The following GALNT18 variants were observed in gnomAD, a reference collection of about 807,000 sequenced individuals.
The protein encoded by GALNT18 is GalNAc-transferase 18.
GALNT18 carries 44 observed loss-of-function variants against 69.5 expected under a neutral mutation model. The ratio of observed to expected loss-of-function variants is 0.63; its 90% CI spans 0.50 to 0.81. The LOEUF (loss-of-function observed/expected upper bound fraction) is 0.81, where lower values mean the gene tolerates loss of function less well. Among genes scored for constraint, GALNT18 ranks in the 40% least tolerant of loss-of-function variants. GALNT18 has a pLI of 0.00. For synonymous variants in GALNT18, 364 were observed against 318.2 expected, an observed-to-expected ratio of 1.14 and a Z score of -1.53; for missense variants, 715 against 810.0, an observed-to-expected ratio of 0.88 and a Z score of 1.42.
At chr11:11,283,180 A>C (rs955281437) in intron 10 of GALNT18, among the ~76,000 whole-genome samples, 6 of 152,084 alleles carry the variant, frequency 3.9e-5, no homozygotes, top group Middle Eastern at 3.4e-3. Flanking sequence ...CTTGAGATGG[A>C]GTCTCACTCT....
Position 11,313,940 on chromosome 11 carries a change from C to T in GALNT18, c.1512+13146G>A, listed in dbSNP as rs969201264. Among the ~76,000 whole-genome samples, 18 of 152,180 alleles carry T rather than the reference C, an allele frequency of 1.2e-4. 1 individual carries two copies. Among genetic ancestry groups the T allele is most frequent in the African/African-American group, 4.3e-4 (18 of 41,444 alleles). On this transcript the variant is annotated intron_variant, in intron 9 of 10. Coordinates refer to ENST00000227756, the MANE Select transcript of GALNT18 (RefSeq NM_198516.3). ...AGATTACTCCAGTTTGAACGAGAGA[C>T]CAATATTACTGAGCCCAGTTCTGTG... is the stretch of plus-strand genomic sequence containing the variant.
At chr11:11,528,583 T>C (rs781535457) in intron 1 of GALNT18, among the ~76,000 whole-genome samples, 2 of 152,232 alleles carry the variant, frequency 1.3e-5, no homozygotes, top group Non-Finnish European at 1.5e-5. Context: ...AGACTGATAC[T>C]GTCAGATCTT....
At chr11:11,547,659 G>A (rs1027336387) in intron 1 of GALNT18, among the ~76,000 whole-genome samples, 1 of 152,204 alleles carries the variant, frequency 6.6e-6, no homozygotes, top group Non-Finnish European at 1.5e-5. Context: ...TCGAGACCCT[G>A]CTACCATGAA....
At chr11:11,571,421 A>T (rs1858790450) in intron 1 of GALNT18, among the ~76,000 whole-genome samples, 1 of 152,182 alleles carries the variant, frequency 6.6e-6, no homozygotes, top group East Asian at 1.9e-4. Context: ...AACTCTTCAA[A>T]ATTAGCTCTG....
Position 11,444,887 on chromosome 11 carries a change from A to G in GALNT18, c.428+3857T>C, listed in dbSNP as rs750748958. On this transcript the variant is annotated intron_variant, in intron 2 of 10. Coordinates refer to ENST00000227756, the MANE Select transcript of GALNT18 (RefSeq NM_198516.3). The surrounding 1 kb of genome is among the most constrained non-coding windows in gnomAD (Gnocchi z 4.4). ...GAGGCACAGGGGCTCCGGCTATGGC[A>G]AGAGCCACACAGCATGAATCTTCCA... Among the ~76,000 whole-genome samples the G allele has an allele frequency of 2.6e-5, 4 of 152,200 alleles. No individual in the cohort carries two copies. The highest frequency in any genetic ancestry group is 6.5e-5 in the Admixed American group (1 of 15,278).
Position 11,595,357 on chromosome 11 carries a change from G to A in GALNT18, c.235+26002C>T, listed in dbSNP as rs2133936324. Among the ~76,000 whole-genome samples, 1 of 152,228 alleles carries A rather than the reference G, an allele frequency of 6.6e-6. No homozygotes were observed. The highest frequency in any genetic ancestry group is 2.1e-4 in the South Asian group (1 of 4,814). ...GTGAGGACACAGCAAGAAGTCAGGA[G>A]GCTGCAACCCAGAAGAGAGACTTCA... On this transcript the variant is annotated intron_variant, in intron 1 of 10. Coordinates refer to ENST00000227756, the MANE Select transcript of GALNT18 (RefSeq NM_198516.3). The surrounding 1 kb of genome is among the most constrained non-coding windows in gnomAD (Gnocchi z 5.2).
intron 1 of GALNT18, among the ~76,000 whole-genome samples, chr11:11,536,633 T>C (rs1857779056): frequency 6.7e-6 from 1 of 150,366 alleles, no homozygotes; most frequent in African/African-American, 2.5e-5. Context: ...CTCCGTATCT[T>C]AGAAATGAAA....
Position 11,436,792 on chromosome 11 carries a change from C to G in GALNT18, c.429-4005G>C, listed in dbSNP as rs1855412779. ...ATCACTGCAGACACTGAACTCAGGA[C>G]AGAGGGCTTTGTGCTGTAGTCCAAG... On this transcript the variant is annotated intron_variant, in intron 2 of 10. Coordinates refer to ENST00000227756, the MANE Select transcript of GALNT18 (RefSeq NM_198516.3). This position sits in a 1 kb window ranked among gnomAD's most constrained non-coding sequence, Gnocchi z 4.5. 6.6e-6 allele frequency among the ~76,000 whole-genome samples: 1 copy of G among 152,218 alleles called. No individual in the cohort carries two copies.
intron 1 of GALNT18, among the ~76,000 whole-genome samples, chr11:11,464,235 A>G (rs1264834704): frequency 3.9e-5 from 6 of 152,232 alleles, no homozygotes; most frequent in Admixed American, 3.9e-4. Flanking sequence ...TTTTTGCTCC[A>G]CAAATGGATT....
At chr11:11,293,248 G>A in intron 9 of GALNT18, 55 bp from the exon 10 acceptor site, 2 of 1,290,130 alleles carry the variant, frequency 1.6e-6, no homozygotes, top group Non-Finnish European at 2.0e-6. Context: ...CACGGAGACA[G>A]GAGCATAGGT....
At chr11:11,578,977 C>A (rs73413626) in intron 1 of GALNT18, among the ~76,000 whole-genome samples, 24,693 of 152,132 alleles carry the variant, frequency 0.16, 2,130 homozygotes, top group Admixed American at 0.25. Context: ...CTCTTGCCCC[C>A]TGGCTTCAGG....
rs949363451 is a variant in GALNT18, at chr11:11,583,264, T to C, written c.235+38095A>G. On this transcript the variant is annotated intron_variant, in intron 1 of 10. Transcript: ENST00000227756. This position sits in a 1 kb window ranked among gnomAD's most constrained non-coding sequence, Gnocchi z 4.7. ...TTCTGGCAAGACCATCCTGGGGCTA[T>C]TTCTCAAAGCAGCTGGTCCTTCTAG... 1.3e-5 allele frequency among the ~76,000 whole-genome samples: 2 copies of C among 152,174 alleles called. No individual in the cohort carries two copies. Among genetic ancestry groups the C allele is most frequent in the Non-Finnish European group, 2.9e-5 (2 of 68,032 alleles).
Position 11,439,341 on chromosome 11 carries a change from C to T in GALNT18, c.429-6554G>A, listed in dbSNP as rs542235775. On this transcript the variant is annotated intron_variant, in intron 2 of 10. Coordinates refer to ENST00000227756, the MANE Select transcript of GALNT18 (RefSeq NM_198516.3). This position sits in a 1 kb window ranked among gnomAD's most constrained non-coding sequence, Gnocchi z 4.4. ...CCTCCTCCAGAGCCTGCCTGTGTGG[C>T]TTCTCATTGTGTGATTGTGGGCCTT... 1.3e-5 allele frequency among the ~76,000 whole-genome samples: 2 copies of T among 152,298 alleles called. No individual in the cohort carries two copies. Among genetic ancestry groups the T allele is most frequent in the Admixed American group, 1.3e-4 (2 of 15,294 alleles).
At chr11:11,420,925 T>C (rs1284117135) in intron 3 of GALNT18, among the ~76,000 whole-genome samples, 2 of 152,172 alleles carry the variant, frequency 1.3e-5, no homozygotes, top group Admixed American at 6.5e-5. Context: ...GCCTTTTTTT[T>C]TTGTATTTGA....
intron 6 of GALNT18, among the ~76,000 whole-genome samples, chr11:11,349,629 C>G (rs1474114850): frequency 6.6e-6 from 1 of 152,184 alleles, no homozygotes; most frequent in East Asian, 1.9e-4. Context: ...CTCACCAAGA[C>G]ACTAAACAGG....
intron 10 of GALNT18, among the ~76,000 whole-genome samples, chr11:11,271,603 A>C (rs977164793): frequency 1.3e-5 from 2 of 152,032 alleles, no homozygotes; most frequent in Non-Finnish European, 2.9e-5. Context: ...CTCCTACCCC[A>C]GGGGCTGGGT....
At chr11:11,408,637 T>C (rs1267504749) in intron 3 of GALNT18, among the ~76,000 whole-genome samples, 3 of 152,186 alleles carry the variant, frequency 2.0e-5, no homozygotes, top group Non-Finnish European at 2.9e-5. Flanking sequence ...TCAGTCTCTG[T>C]GGGGAACTGG....
chr11:11,281,089 C>A (rs1348648929), intron 10 of GALNT18, among the ~76,000 whole-genome samples: 3 of 152,204 alleles, frequency 2.0e-5, no homozygotes, highest in African/African-American at 7.2e-5. Flanking sequence ...TCCTGCCAGC[C>A]CAGTGGTTTG....
chr11:11,508,374 A>T (rs1857108291), intron 1 of GALNT18, among the ~76,000 whole-genome samples: 1 of 152,216 alleles, frequency 6.6e-6, no homozygotes, highest in African/African-American at 2.4e-5. Flanking sequence ...AATACTACAT[A>T]AGTGATGTTG....
Sources: allele counts gnomAD v4.1 joint callset (sites outside exome capture counted in the v4.1 genomes callset), GRCh38; gene constraint gnomAD v4.1.1; non-coding constraint Gnocchi (gnomAD v3.1); transcripts MANE v1.5; gene names NCBI Gene and HGNC (gene_info 2026-07-23, HGNC 2026-07-21).